The following GPHN variants were observed in gnomAD, a reference collection of about 807,000 sequenced individuals.
The protein encoded by GPHN is gephyrin.
In GPHN, 17 loss-of-function variants were observed where a neutral mutation model predicts 95.5. The observed-to-expected ratio is 0.18, with a 90% CI of 0.12 to 0.27. The LOEUF is 0.27. GPHN is among the 10% of genes least tolerant of loss of function. The probability of loss-of-function intolerance (pLI) is 1.00; values close to 1 mark genes in which losing one functional copy is unlikely to be tolerated. For synonymous variants in GPHN, 320 were observed against 322.5 expected, an observed-to-expected ratio of 0.99 and a Z score of 0.08; for missense variants, 660 against 978.1, an observed-to-expected ratio of 0.67 and a Z score of 4.34.
At chr14:67,352,226 C>T in the GPHN span, among the ~76,000 whole-genome samples, 1 of 151,902 alleles carries the variant, frequency 6.6e-6, no homozygotes, top group Non-Finnish European at 1.5e-5. Flanking sequence ...TCAGCACTTT[C>T]GGAGGCCAAG....
At chr14:66,934,794 G>A (rs1435479295) in intron 8 of GPHN, among the ~76,000 whole-genome samples, 2 of 152,178 alleles carry the variant, frequency 1.3e-5, no homozygotes, top group African/African-American at 4.8e-5. Flanking sequence ...AGCCCTTCTT[G>A]AACTATACAG....
chr14:67,733,981 GACCCTTCTGGGAATGTTTGC>G, the GPHN span: 2 of 667,702 alleles, frequency 3.0e-6, no homozygotes, highest in Non-Finnish European at 5.5e-6. Flanking sequence ...TGATCCTCTT[GACCCTTCTGGGAATGTTTGC>G]ACACCTGACA....
At chr14:67,646,658 A>AG in the GPHN span, 8 of 1,612,274 alleles carry the variant, frequency 5.0e-6, no homozygotes, top group Non-Finnish European at 6.8e-6. Context: ...CACAACTCCC[A>AG]GGATTTTCCT....
intron 2 of GPHN, among the ~76,000 whole-genome samples, chr14:66,734,188 A>G (rs1262006306): frequency 2.6e-5 from 4 of 152,124 alleles, no homozygotes; most frequent in Non-Finnish European, 5.9e-5. Flanking sequence ...TTTTCTTCTT[A>G]AAACCTTGGT....
At chr14:67,625,064 C>T in the GPHN span, among the ~76,000 whole-genome samples, 7 of 152,004 alleles carry the variant, frequency 4.6e-5, no homozygotes, top group Admixed American at 3.3e-4. Flanking sequence ...CTAAAATTGT[C>T]CATTCACAAG....
chr14:66,966,548 C>A (rs1228843361), intron 9 of GPHN, among the ~76,000 whole-genome samples: 1 of 151,942 alleles, frequency 6.6e-6, no homozygotes, highest in African/African-American at 2.4e-5. Context: ...GCAAGGAATT[C>A]TTAAAACCTG....
the GPHN span, among the ~76,000 whole-genome samples, chr14:67,707,818 GCTC>G: frequency 1.3e-5 from 2 of 152,144 alleles, no homozygotes; most frequent in Non-Finnish European, 2.9e-5. Flanking sequence ...TAAACTTGGG[GCTC>G]CTGGGCCTGT....
chr14:67,301,413 C>A, the GPHN span: 1 of 1,609,496 alleles, frequency 6.2e-7, no homozygotes, highest in South Asian at 1.1e-5. Context: ...GAAGCCAGTT[C>A]ATCATAAGGA....
the GPHN span, among the ~76,000 whole-genome samples, chr14:67,623,110 T>G: frequency 2.0e-5 from 3 of 152,212 alleles, no homozygotes; most frequent in Non-Finnish European, 4.4e-5. Flanking sequence ...CCTTACTGTG[T>G]AGCTGACTGG....
At chr14:67,046,706 C>A (rs1270717973) in intron 10 of GPHN, among the ~76,000 whole-genome samples, 5 of 152,092 alleles carry the variant, frequency 3.3e-5, no homozygotes, top group African/African-American at 1.2e-4. Context: ...CTTTGAGGCT[C>A]ATTGTCTTGA....
At chr14:67,392,190 G>T in the GPHN span, 1 of 667,866 alleles carries the variant, frequency 1.5e-6, no homozygotes. Flanking sequence ...GGCTGGTGCT[G>T]GGCTCTTGCT....
At chr14:67,620,337 TC>T in the GPHN span, among the ~76,000 whole-genome samples, 2 of 151,724 alleles carry the variant, frequency 1.3e-5, no homozygotes, top group Non-Finnish European at 2.9e-5. Context: ...TTCTGCGGCC[TC>T]CCCAGAAAGA....
chr14:66,902,903 A>AT (rs552009637), intron 5 of GPHN, among the ~76,000 whole-genome samples: 2 of 151,936 alleles, frequency 1.3e-5, no homozygotes, highest in South Asian at 4.2e-4. Context: ...CTCCTCTTCA[A>AT]TTTTTTTTAG....
the GPHN span, among the ~76,000 whole-genome samples, chr14:67,359,310 T>C: frequency 0.058 from 8,753 of 152,200 alleles, 517 homozygotes; most frequent in African/African-American, 0.15. Flanking sequence ...GTGAGCTCTG[T>C]AGGGCAGAGG....
chr14:66,545,716 GTGGCTGGC>G (rs2140116427), intron 1 of GPHN, among the ~76,000 whole-genome samples: 1 of 141,612 alleles, frequency 7.1e-6, no homozygotes, highest in Admixed American at 6.8e-5. Context: ...CCCGGACGGG[GTGGCTGGC>G]CGGGCGGGGG....
the GPHN span, among the ~76,000 whole-genome samples, chr14:67,504,072 C>T: frequency 2.0e-5 from 3 of 151,626 alleles, no homozygotes; most frequent in African/African-American, 4.9e-5. Context: ...GGAGTGCAGT[C>T]GTGCGATCTC....
intron 2 of GPHN, among the ~76,000 whole-genome samples, chr14:66,750,319 T>G (rs564103236): frequency 2.4e-4 from 36 of 152,024 alleles, no homozygotes; most frequent in African/African-American, 8.4e-4. Flanking sequence ...GATTCTGAGT[T>G]CTTTCGGAAG....
At chr14:67,629,443 A>G in the GPHN span, among the ~76,000 whole-genome samples, 2 of 152,250 alleles carry the variant, frequency 1.3e-5, no homozygotes, top group East Asian at 3.8e-4. Flanking sequence ...AAGGACAAAT[A>G]CAGCATGATT....
At chr14:66,731,892 G>C (rs1406006857) in intron 2 of GPHN, among the ~76,000 whole-genome samples, 1 of 152,172 alleles carries the variant, frequency 6.6e-6, no homozygotes, top group Non-Finnish European at 1.5e-5. Flanking sequence ...AGCTGCTTCA[G>C]CTCCAGCCAT....
Sources: allele counts gnomAD v4.1 joint callset (sites outside exome capture counted in the v4.1 genomes callset), GRCh38; gene constraint gnomAD v4.1.1; transcripts MANE v1.5; gene names NCBI Gene and HGNC (gene_info 2026-07-23, HGNC 2026-07-21).